EXOC4: variants seen among roughly 807,000 people sequenced by gnomAD.
The protein encoded by EXOC4 is SEC8-like 1.
Under a neutral mutation model 107.2 loss-of-function variants are expected in EXOC4, and 71 were observed. That is an observed-to-expected ratio of 0.66 (90% CI 0.55 to 0.81). The LOEUF is 0.81. EXOC4 is among the 30% of genes least tolerant of loss of function. The pLI is 0.00. For missense variants in EXOC4, 1,108 were observed against 1,189.6 expected (o/e 0.93, Z 1.01); for synonymous variants, 456 against 441.2 (o/e 1.03, Z -0.42).
chr7:133,942,342 T>A (rs1396480076), intron 14 of EXOC4, among the ~76,000 whole-genome samples: 1 of 152,074 alleles, frequency 6.6e-6, no homozygotes, highest in Non-Finnish European at 1.5e-5. Flanking sequence ...CTTCAGAAAT[T>A]AAATAATTAC....
At chr7:133,926,924 G>T (rs574965725) in intron 13 of EXOC4, among the ~76,000 whole-genome samples, 1 of 152,210 alleles carries the variant, frequency 6.6e-6, no homozygotes, top group African/African-American at 2.4e-5. Flanking sequence ...TTTCCAGCAA[G>T]CAAGATGGTT....
intron 14 of EXOC4, among the ~76,000 whole-genome samples, chr7:133,949,784 T>C (rs980574353): frequency 1.2e-4 from 18 of 152,210 alleles, no homozygotes; most frequent in African/African-American, 4.1e-4. Context: ...CAACTTTTCT[T>C]ATCTCTACTT....
At chr7:133,427,726 G>A (rs118066327) in intron 7 of EXOC4, among the ~76,000 whole-genome samples, 1,636 of 152,272 alleles carry the variant, frequency 0.011, 18 homozygotes, top group East Asian at 0.031. Context: ...ATCAATTGCC[G>A]TGGTAGAGAT....
intron 9 of EXOC4, among the ~76,000 whole-genome samples, chr7:133,495,721 A>G (rs1003295137): frequency 5.9e-5 from 9 of 152,118 alleles, no homozygotes; most frequent in South Asian, 2.1e-4. Flanking sequence ...TCATTCATTC[A>G]CCTTTTAATG....
At chr7:133,690,455 T>C (rs1225247561) in intron 10 of EXOC4, among the ~76,000 whole-genome samples, 1 of 152,126 alleles carries the variant, frequency 6.6e-6, no homozygotes, top group Non-Finnish European at 1.5e-5. Flanking sequence ...CCTTCTTCTT[T>C]CTCTCCTTCC....
chr7:133,783,724 AAGAT>A (rs1796512869), intron 10 of EXOC4, among the ~76,000 whole-genome samples: 1 of 152,208 alleles, frequency 6.6e-6, no homozygotes, highest in South Asian at 2.1e-4. Flanking sequence ...CAGACTCACA[AAGAT>A]AGATCAGTTC....
chr7:133,729,300 A>AT (rs1562973578), intron 10 of EXOC4, among the ~76,000 whole-genome samples: 3 of 152,126 alleles, frequency 2.0e-5, no homozygotes, highest in African/African-American at 7.2e-5. Context: ...TAATTATGCC[A>AT]TTTTTTAAAA....
chr7:133,550,998 G>A (rs543572264), intron 9 of EXOC4, among the ~76,000 whole-genome samples: 1 of 152,082 alleles, frequency 6.6e-6, no homozygotes, highest in Non-Finnish European at 1.5e-5. Flanking sequence ...AGCATCTTCA[G>A]CTGATTTCCG....
chr7:134,035,031 TTTTTC>T (rs1351475250), intron 17 of EXOC4, among the ~76,000 whole-genome samples: 1 of 150,684 alleles, frequency 6.6e-6, no homozygotes, highest in Non-Finnish European at 1.5e-5. Context: ...TTTTTTTTCT[TTTTTC>T]TTTTCTTTAC....
At chr7:133,768,573 A>G (rs1019910899) in intron 10 of EXOC4, 3 of 152,006 alleles carry the variant, frequency 2.0e-5, no homozygotes, top group African/African-American at 7.2e-5. Flanking sequence ...TTAATTGGCA[A>G]AATGAAAATG....
chr7:133,378,645 A>G (rs1019067190), intron 7 of EXOC4, among the ~76,000 whole-genome samples: 3 of 152,148 alleles, frequency 2.0e-5, no homozygotes, highest in African/African-American at 7.2e-5. Context: ...AGGGTAGCCT[A>G]TGATAAGTTA....
intron 11 of EXOC4, among the ~76,000 whole-genome samples, chr7:133,831,045 A>C (rs556957427): frequency 4.6e-5 from 7 of 150,832 alleles, no homozygotes; most frequent in Non-Finnish European, 7.4e-5. Flanking sequence ...GCTCACTGCA[A>C]CCTCCGCCTC....
chr7:133,319,886 ATAT>A (rs1274995555), intron 5 of EXOC4, among the ~76,000 whole-genome samples: 1 of 149,712 alleles, frequency 6.7e-6, no homozygotes, highest in Admixed American at 6.7e-5. Flanking sequence ...GAAGGTAAAA[ATAT>A]TATTGATTAA....
In EXOC4 at chr7:133,877,171, T is replaced by C. The variant is rs566951567; in HGVS notation, c.1735-18428T>C. On this transcript the variant is annotated intron_variant, in intron 11 of 17. Coordinates refer to ENST00000253861, the MANE Select transcript of EXOC4 (RefSeq NM_021807.4). The stretch of plus-strand genomic sequence containing the variant: ...CTTCCATTCCTGTTTCTGCCGTGTT[T>C]ATATTTTCCATTCTGTTTTTAGACA... 1.6e-3 allele frequency among the ~76,000 whole-genome samples: 241 copies of C among 152,274 alleles called. 1 individual carries two copies. The highest frequency in any genetic ancestry group is 3.4e-3 in the Middle Eastern group (1 of 294).
intron 14 of EXOC4, among the ~76,000 whole-genome samples, chr7:133,971,240 G>A (rs924640735): frequency 4.7e-5 from 7 of 149,506 alleles, no homozygotes; most frequent in South Asian, 4.3e-4. Context: ...TCTTTGTTAC[G>A]AAGACCAGTA....
chr7:133,824,590 G>A (rs1797654353), intron 11 of EXOC4, among the ~76,000 whole-genome samples: 1 of 152,170 alleles, frequency 6.6e-6, no homozygotes, highest in Admixed American at 6.5e-5. Flanking sequence ...TCCTAGGGCT[G>A]CCATGATAAA....
intron 7 of EXOC4, among the ~76,000 whole-genome samples, chr7:133,416,730 ACT>A (rs1038813752): frequency 6.6e-6 from 1 of 152,130 alleles, no homozygotes; most frequent in African/African-American, 2.4e-5. Flanking sequence ...GTTTCAGAAC[ACT>A]CTGAAAGGAA....
chr7:133,604,715 T>C (rs570749593), intron 9 of EXOC4, among the ~76,000 whole-genome samples: 23 of 92,972 alleles, frequency 2.5e-4, no homozygotes, highest in African/African-American at 6.8e-4. Flanking sequence ...TCTTTCTTTT[T>C]TTTTTTTTTT....
chr7:133,533,429 G>C (rs1482517910), intron 9 of EXOC4, among the ~76,000 whole-genome samples: 1 of 152,036 alleles, frequency 6.6e-6, no homozygotes, highest in African/African-American at 2.4e-5. Flanking sequence ...GTGACTCATC[G>C]GTACAGGTTA....
Sources: allele counts gnomAD v4.1 joint callset (sites outside exome capture counted in the v4.1 genomes callset), GRCh38; gene constraint gnomAD v4.1.1; transcripts MANE v1.5; gene names NCBI Gene and HGNC (gene_info 2026-07-23, HGNC 2026-07-21).